Variants in GPC5 observed in about 807,000 individuals in gnomAD.
GPC5 encodes glypican-5.
GPC5 carries 47 observed loss-of-function variants against 53.9 expected under a neutral mutation model. The ratio of observed to expected loss-of-function variants is 0.87; its 90% CI spans 0.69 to 1.11. GPC5 has a LOEUF of 1.11. Ranked by LOEUF, GPC5 falls within the 50% of genes most tolerant of loss-of-function variation. The pLI is 0.00. For synonymous variants in GPC5, 286 were observed against 263.3 expected (o/e 1.09, Z -0.84); for missense variants, 748 against 713.1 (o/e 1.05, Z -0.56).
intron 6 of GPC5, among the ~76,000 whole-genome samples, chr13:92,073,407 G>C (rs1274744979): frequency 2.0e-5 from 3 of 152,134 alleles, no homozygotes; most frequent in African/African-American, 7.2e-5. Context: ...ACAGATTTCT[G>C]ATCCAGTCTT....
intron 6 of GPC5, among the ~76,000 whole-genome samples, chr13:92,131,512 T>C (rs1431796420): frequency 6.6e-6 from 1 of 152,038 alleles, no homozygotes; most frequent in Non-Finnish European, 1.5e-5. Context: ...GTATGAACTA[T>C]AGGTATATAT....
At chr13:91,970,054 C>T (rs767740242) in intron 6 of GPC5, among the ~76,000 whole-genome samples, 34 of 152,076 alleles carry the variant, frequency 2.2e-4, no homozygotes, top group Admixed American at 3.9e-4. Context: ...AGAAAATGTG[C>T]TAGATACACA....
intron 7 of GPC5, among the ~76,000 whole-genome samples, chr13:92,399,752 T>C (rs924381049): frequency 6.6e-6 from 1 of 152,192 alleles, no homozygotes; most frequent in African/African-American, 2.4e-5. Flanking sequence ...TTAAGACTTA[T>C]TCGTGTCTAT....
At chr13:92,332,515 A>T (rs2043295191) in intron 7 of GPC5, among the ~76,000 whole-genome samples, 1 of 152,192 alleles carries the variant, frequency 6.6e-6, no homozygotes, top group Admixed American at 6.5e-5. Context: ...TAGTTTTCAC[A>T]ATTATAAAAC....
chr13:92,788,347 T>C (rs947429156), intron 7 of GPC5, among the ~76,000 whole-genome samples: 13 of 152,192 alleles, frequency 8.5e-5, no homozygotes, highest in Non-Finnish European at 1.6e-4. Flanking sequence ...AGAGTGTATA[T>C]ATTTTTAAAA....
chr13:92,110,361 G>A (rs1479478006), intron 6 of GPC5, among the ~76,000 whole-genome samples: 1 of 152,050 alleles, frequency 6.6e-6, no homozygotes, highest in African/African-American at 2.4e-5. Context: ...GACAAGAAAG[G>A]TCTACTCAAA....
At chr13:92,632,491 T>C (rs111488945) in intron 7 of GPC5, among the ~76,000 whole-genome samples, 1,460 of 139,698 alleles carry the variant, frequency 0.01, 13 homozygotes, top group Non-Finnish European at 0.017. Context: ...TATATACACA[T>C]ATATATATGC....
intron 7 of GPC5, among the ~76,000 whole-genome samples, chr13:92,214,712 A>G (rs77089571): frequency 6.6e-6 from 1 of 152,160 alleles, no homozygotes; most frequent in Non-Finnish European, 1.5e-5. Flanking sequence ...GAAATCTGTG[A>G]CTATGTTAGG....
rs1448834097 is a variant in GPC5, at chr13:92,601,642, G to T, written c.1562-264640G>T. Among the ~76,000 whole-genome samples the T allele has an allele frequency of 4.0e-5, 6 of 149,156 alleles. No individual in the cohort carries two copies. The East Asian group carries it at 1.2e-3, about 29-fold the overall frequency. On this transcript the variant is annotated intron_variant, in intron 7 of 7. Transcript: ENST00000377067. ...GCATTACATTGTTCTTAAAACATAA[G>T]ATTTCAGTGTGTGTGTGTTTAATAA...
At chr13:92,685,651 C>T (rs1286951792) in intron 7 of GPC5, among the ~76,000 whole-genome samples, 20 of 116,466 alleles carry the variant, frequency 1.7e-4, no homozygotes, top group Middle Eastern at 4.5e-3. Context: ...CATGCTGGTG[C>T]GCTGCACCCA....
At chr13:91,744,380 G>A (rs2037002322) in intron 4 of GPC5, among the ~76,000 whole-genome samples, 1 of 152,186 alleles carries the variant, frequency 6.6e-6, no homozygotes, top group East Asian at 1.9e-4. Context: ...GAATAAAATT[G>A]AAGACTAAAA....
intron 5 of GPC5, among the ~76,000 whole-genome samples, chr13:91,830,900 C>A (rs552254081): frequency 8.5e-6 from 1 of 118,316 alleles, no homozygotes; most frequent in Non-Finnish European, 1.7e-5. Flanking sequence ...ATATATATAT[C>A]CTATTATATA....
rs1442223440 is a variant in GPC5, at chr13:92,853,824, G to C, written c.1562-12458G>C. Among the ~76,000 whole-genome samples, 3 of 152,202 alleles carry C rather than the reference G, an allele frequency of 2.0e-5. No individual in the cohort carries two copies. In the East Asian group the frequency reaches 5.8e-4, roughly 29 times the overall value. On this transcript the variant is annotated intron_variant, in intron 7 of 7. Transcript: ENST00000377067. ...TGCATTTCTAGATGAAAAGGGCCCA[G>C]CGAGATGCCCAGCACAGAATATCCA...
chr13:91,586,938 G>C (rs1322144814), intron 2 of GPC5, among the ~76,000 whole-genome samples: 1 of 151,944 alleles, frequency 6.6e-6, no homozygotes, highest in Non-Finnish European at 1.5e-5. Flanking sequence ...TGGGGTAACA[G>C]GCTAGGTATA....
intron 7 of GPC5, among the ~76,000 whole-genome samples, chr13:92,194,711 A>C (rs2042245611): frequency 6.6e-6 from 1 of 152,222 alleles, no homozygotes; most frequent in African/African-American, 2.4e-5. Context: ...AATAAAACTG[A>C]AATGTAAAAG....
At chr13:92,569,676 TA>T (rs1160375422) in intron 7 of GPC5, among the ~76,000 whole-genome samples, 1 of 152,138 alleles carries the variant, frequency 6.6e-6, no homozygotes, top group African/African-American at 2.4e-5. Flanking sequence ...AAAGCAAAAG[TA>T]AATTCTGTTT....
intron 5 of GPC5, among the ~76,000 whole-genome samples, chr13:91,872,035 A>G (rs936917036): frequency 3.9e-5 from 6 of 152,068 alleles, no homozygotes; most frequent in African/African-American, 1.4e-4. Flanking sequence ...CACTCTGAAA[A>G]TACCAAAGCA....
intron 6 of GPC5, among the ~76,000 whole-genome samples, chr13:92,122,917 T>C (rs1410759444): frequency 2.6e-5 from 4 of 152,274 alleles, no homozygotes; most frequent in Non-Finnish European, 4.4e-5. Flanking sequence ...ATCATTTGCT[T>C]ACTATTTTTC....
intron 4 of GPC5, among the ~76,000 whole-genome samples, chr13:91,747,940 CT>C: frequency 2.0e-5 from 3 of 152,280 alleles, no homozygotes; most frequent in Admixed American, 2.0e-4. Flanking sequence ...GAGGGTTGGA[CT>C]AAGTCACTGG....
Sources: gnomAD v4.1 joint callset for allele counts (sites outside exome capture counted in the v4.1 genomes callset) on GRCh38, gnomAD v4.1.1 for gene constraint, MANE v1.5 for transcripts, NCBI Gene and HGNC (gene_info 2026-07-23, HGNC 2026-07-21) for gene names.